Variants in NFIB observed in about 807,000 individuals in gnomAD.
NFIB encodes the protein nuclear factor I B, also known as nuclear factor 1 B-type.
Under a neutral mutation model 61.5 loss-of-function variants are expected in NFIB, and 11 were observed. The observed-to-expected ratio is 0.18, with a 90% confidence interval of 0.11 to 0.30. NFIB has a LOEUF of 0.30. Among genes scored for constraint, NFIB ranks in the 10% least tolerant of loss-of-function variants. The pLI is 1.00. For synonymous variants in NFIB, 260 were observed against 216.5 expected, an observed-to-expected ratio of 1.20 and a Z score of -1.76; for missense variants, 471 against 608.9, an observed-to-expected ratio of 0.77 and a Z score of 2.38.
chr9:14,447,385 A>C, the NFIB span, among the ~76,000 whole-genome samples: 1 of 152,110 alleles, frequency 6.6e-6, no homozygotes, highest in Admixed American at 6.5e-5. Flanking sequence ...AGAGCTTGGA[A>C]AGAAGATGTG....
intron 2 of NFIB, among the ~76,000 whole-genome samples, chr9:14,257,086 A>G (rs996723853): frequency 1.3e-5 from 2 of 152,232 alleles, no homozygotes; most frequent in Non-Finnish European, 2.9e-5. Flanking sequence ...CCAAGGCTTT[A>G]AAGCCAGACT....
chr9:14,208,992 T>C (rs916346580), intron 2 of NFIB, among the ~76,000 whole-genome samples: 1 of 152,114 alleles, frequency 6.6e-6, no homozygotes, highest in Non-Finnish European at 1.5e-5. Flanking sequence ...AAAAATGAAA[T>C]GTTTTCTGAT....
the NFIB span, among the ~76,000 whole-genome samples, chr9:14,510,291 A>G: frequency 6.6e-6 from 1 of 152,242 alleles, no homozygotes; most frequent in Non-Finnish European, 1.5e-5. Flanking sequence ...GAGAAAAAGC[A>G]ATATCTTAGG....
chr9:14,436,138 C>T, the NFIB span, among the ~76,000 whole-genome samples: 1 of 152,244 alleles, frequency 6.6e-6, no homozygotes, highest in African/African-American at 2.4e-5. Context: ...ATTGCTTTGG[C>T]AAATGGAAAG....
chr9:14,448,052 G>T, the NFIB span, among the ~76,000 whole-genome samples: 2 of 152,146 alleles, frequency 1.3e-5, no homozygotes, highest in African/African-American at 2.4e-5. Context: ...AATCAAAAAA[G>T]TATATAACTT....
intron 2 of NFIB, among the ~76,000 whole-genome samples, chr9:14,247,240 G>A (rs1179790312): frequency 6.6e-6 from 1 of 152,202 alleles, no homozygotes; most frequent in African/African-American, 2.4e-5. Flanking sequence ...CCACAATTAA[G>A]TGGTGAGACT....
chr9:14,474,489 G>T, the NFIB span, among the ~76,000 whole-genome samples: 1 of 152,000 alleles, frequency 6.6e-6, no homozygotes, highest in African/African-American at 2.4e-5. Context: ...TATAGCATTC[G>T]CCCCGTTTTC....
the NFIB span, among the ~76,000 whole-genome samples, chr9:14,409,916 G>C: frequency 6.6e-6 from 1 of 152,144 alleles, no homozygotes; most frequent in Non-Finnish European, 1.5e-5. Flanking sequence ...AAAACCTGTT[G>C]CTAAAGCAAA....
At chr9:14,479,518 A>T in the NFIB span, among the ~76,000 whole-genome samples, 2 of 152,182 alleles carry the variant, frequency 1.3e-5, no homozygotes, top group Non-Finnish European at 2.9e-5. Flanking sequence ...CCTCATACAC[A>T]GGACAGTTCC....
intron 3 of NFIB, among the ~76,000 whole-genome samples, chr9:14,171,372 AAGGGGTAGAC>A: frequency 6.6e-6 from 1 of 152,156 alleles, no homozygotes; most frequent in East Asian, 1.9e-4. Context: ...ATTCCCTGGG[AAGGGGTAGAC>A]ATCTCTGACT....
the NFIB span, among the ~76,000 whole-genome samples, chr9:14,514,337 C>A: frequency 6.6e-6 from 1 of 151,992 alleles, no homozygotes; most frequent in South Asian, 2.1e-4. Context: ...TACACACACA[C>A]ACACACACAC....
At chr9:14,158,361 T>C (rs1351777371) in intron 3 of NFIB, among the ~76,000 whole-genome samples, 2 of 152,162 alleles carry the variant, frequency 1.3e-5, no homozygotes, top group Non-Finnish European at 2.9e-5. Context: ...CTCCAACTCC[T>C]TCTACCACCC....
At chr9:14,370,173 T>C (rs10961490) in intron 1 of NFIB, among the ~76,000 whole-genome samples, 26,528 of 152,188 alleles carry the variant, frequency 0.17, 2,443 homozygotes, top group Middle Eastern at 0.27. Flanking sequence ...CCTGAAAGCC[T>C]AGCTCAATAT....
At chr9:14,260,882 G>A (rs1054077141) in intron 2 of NFIB, among the ~76,000 whole-genome samples, 1 of 151,850 alleles carries the variant, frequency 6.6e-6, no homozygotes, top group African/African-American at 2.4e-5. Flanking sequence ...CACAGATGGT[G>A]GCAAAAGGTA....
At chr9:14,336,332 G>A (rs1588327474) in intron 1 of NFIB, among the ~76,000 whole-genome samples, 1 of 152,224 alleles carries the variant, frequency 6.6e-6, no homozygotes, top group African/African-American at 2.4e-5. Context: ...CCTGAAGGGA[G>A]TGGGATTGTG....
intron 2 of NFIB, among the ~76,000 whole-genome samples, chr9:14,182,985 G>T (rs536355524): frequency 6.6e-6 from 1 of 151,792 alleles, no homozygotes; most frequent in East Asian, 1.9e-4. Flanking sequence ...TAAGCATAGA[G>T]CCACATTTAA....
At chr9:14,277,086 G>A (rs2058052915) in intron 2 of NFIB, among the ~76,000 whole-genome samples, 1 of 152,026 alleles carries the variant, frequency 6.6e-6, no homozygotes. Flanking sequence ...TTTCTTAAAA[G>A]ACAGAATGTT....
upstream of NFIB, among the ~76,000 whole-genome samples, chr9:14,401,882 A>T (rs1316932388): frequency 6.6e-6 from 1 of 152,116 alleles, no homozygotes; most frequent in Non-Finnish European, 1.5e-5. Flanking sequence ...CTGGTGGGCC[A>T]GAAATCTTTT....
chr9:14,484,210 G>C, the NFIB span, among the ~76,000 whole-genome samples: 1 of 152,190 alleles, frequency 6.6e-6, no homozygotes, highest in African/African-American at 2.4e-5. Context: ...TGGGGCACTA[G>C]ACATAGAATA....
Sources: allele counts gnomAD v4.1 joint callset (sites outside exome capture counted in the v4.1 genomes callset), GRCh38; gene constraint gnomAD v4.1.1; transcripts MANE v1.5; gene names NCBI Gene and HGNC (gene_info 2026-07-23, HGNC 2026-07-21).